The following CCDC88C variants were observed in gnomAD, a reference collection of about 807,000 sequenced individuals.
The protein encoded by CCDC88C is protein Daple.
A neutral mutation model predicts 198.8 loss-of-function variants in CCDC88C; 131 were observed. The observed-to-expected ratio is 0.66, with a 90% CI of 0.57 to 0.76. The LOEUF (loss-of-function observed/expected upper bound fraction) is 0.76, where lower values mean the gene tolerates loss of function less well. Among genes scored for constraint, CCDC88C ranks in the 30% least tolerant of loss-of-function variants. The pLI, the probability that CCDC88C is intolerant of heterozygous loss-of-function variation, is 0.00. For missense variants in CCDC88C, 2,553 were observed against 2,631.6 expected (o/e 0.97, Z 0.65); for synonymous variants, 1,166 against 1,114.7 (o/e 1.05, Z -0.92).
At chr14:91,305,981 G>A (rs926189678) in intron 18 of CCDC88C, 55 bp from the exon 19 acceptor site, 3 of 1,572,998 alleles carry the variant, frequency 1.9e-6, no homozygotes, top group Non-Finnish European at 1.7e-6. Flanking sequence ...AATGCTAACT[G>A]GCCACAGGTA....
intron 10 of CCDC88C, 80 bp from the exon 11 acceptor site, chr14:91,326,136 T>G (rs2139832336): frequency 8.2e-6 from 11 of 1,341,994 alleles, no homozygotes; most frequent in Non-Finnish European, 1.1e-5. Context: ...ACCAAAACTC[T>G]TTCAGGCATC....
rs777973415 is a variant in CCDC88C at position 91,281,505 on chromosome 14, G to C, written c.4651C>G (p.Leu1551Val). 2.0e-5 allele frequency: 32 copies of C among 1,613,800 alleles called. 1 individual carries two copies. The South Asian group carries it at 3.3e-4, about 17-fold the overall frequency. ...RTKGYNSDDNLCEPSLEFEVP... is the reference protein window; with the variant it reads ...RTKGYNSDDNVCEPSLEFEVP... ...TCAAACTCCAGGGATGGCTCACAGA[G>C]GTTGTCATCTGAGTTATAGCCTAAG... The change falls in exon 27 of 30, where the codon CTC becomes GTC. Residue 1551 changes from leucine to valine, a missense_variant. Leu to Val is a conservative substitution (Grantham distance 32). Coordinates refer to ENST00000389857, the MANE Select transcript of CCDC88C (RefSeq NM_001080414.4).
chr14:91,303,535 C>T (rs1596046025), intron 20 of CCDC88C, among the ~76,000 whole-genome samples, 166 bp downstream of exon 20: 1 of 146,364 alleles, frequency 6.8e-6, no homozygotes, highest in South Asian at 2.2e-4. Context: ...CTCTATCACT[C>T]TCCCCCAGGT....
intron 28 of CCDC88C, 78 bp downstream of exon 28, chr14:91,279,160 A>C (rs1057053775): frequency 8.0e-7 from 1 of 1,248,730 alleles, no homozygotes; most frequent in African/African-American, 1.5e-5. Context: ...TGGCCCTCCC[A>C]AAGTGCTGAT....
At chr14:91,322,606 GTC>G (rs1892401737) in intron 12 of CCDC88C, among the ~76,000 whole-genome samples, 1 of 152,122 alleles carries the variant, frequency 6.6e-6, no homozygotes, top group Non-Finnish European at 1.5e-5. Context: ...TCTGGACAGT[GTC>G]TCTGCAGAAT....
rs769952173 is a variant in CCDC88C, at chr14:91,381,181, G to A, written c.271-21470C>T. Among the ~76,000 whole-genome samples the A allele has an allele frequency of 6.6e-6, 1 of 152,112 alleles. No individual in the cohort carries two copies. Among genetic ancestry groups the A allele is most frequent in the Non-Finnish European group, 1.5e-5 (1 of 68,022 alleles). ...CACCTGTGGGTGGGCAGAACTGAAA[G>A]GTGTGGGGCTTTCCCGGTACGGTCT... On this transcript the variant is annotated intron_variant, in intron 3 of 29. Transcript: ENST00000389857. This position sits in a 1 kb window ranked among gnomAD's most constrained non-coding sequence, Gnocchi z 4.2.
At chr14:91,366,370 C>T (rs1875413188) in intron 3 of CCDC88C, among the ~76,000 whole-genome samples, 1 of 152,170 alleles carries the variant, frequency 6.6e-6, no homozygotes, top group Non-Finnish European at 1.5e-5. Context: ...CCTGTAATCC[C>T]AGCTACTTGG....
At chr14:91,320,399 G>A (rs1027177399) in intron 13 of CCDC88C, among the ~76,000 whole-genome samples, 1 of 152,216 alleles carries the variant, frequency 6.6e-6, no homozygotes, top group African/African-American at 2.4e-5. Flanking sequence ...GTGCTGGAGG[G>A]GCACCCGCAG....
At chr14:91,399,058 G>A (rs1886017940) in intron 3 of CCDC88C, among the ~76,000 whole-genome samples, 1 of 152,158 alleles carries the variant, frequency 6.6e-6, no homozygotes, top group Non-Finnish European at 1.5e-5. Context: ...TCCCACTTGG[G>A]GGACTCCTCA....
chr14:91,335,143 C>G (rs1892995800), intron 10 of CCDC88C, among the ~76,000 whole-genome samples: 2 of 152,166 alleles, frequency 1.3e-5, no homozygotes. Flanking sequence ...CATGAAGACA[C>G]AAACCAAACT....
At position 91,325,847 on chromosome 14, in the gene CCDC88C, G is replaced by T. The variant is rs1002497920; in HGVS notation, c.1197+63C>A. The T allele has an allele frequency of 6.7e-7, 1 of 1,491,660 alleles. No homozygotes were observed. Among genetic ancestry groups the T allele is most frequent in the Admixed American group, 2.0e-5 (1 of 49,392 alleles). 92.4% of individuals were successfully genotyped at this position (1,491,660 alleles called of 1,614,324 possible). A position where few individuals can be genotyped will look rare whatever the true frequency, so the allele number is the denominator to read the frequency against. On this transcript the variant is annotated intron_variant, in intron 11 of 29. Coordinates refer to ENST00000389857, the MANE Select transcript of CCDC88C (RefSeq NM_001080414.4). This position sits in a 1 kb window ranked among gnomAD's most constrained non-coding sequence, Gnocchi z 4.1. ...GCCTCCCAAAGTGCTGGGATTACAG[G>T]CATGAGCCACTGTGCCCGAGCCCAA...
chr14:91,308,567 C>T (rs1891660179), intron 16 of CCDC88C, 75 bp from the exon 17 acceptor site: 3 of 1,423,312 alleles, frequency 2.1e-6, no homozygotes, highest in Non-Finnish European at 2.9e-6. Context: ...TCGCTGCCAA[C>T]ACATCACTCC....
chr14:91,318,678 C>T (rs149557416), intron 13 of CCDC88C, among the ~76,000 whole-genome samples: 198 of 152,182 alleles, frequency 1.3e-3, no homozygotes, highest in African/African-American at 4.6e-3. Flanking sequence ...CAGTGGCTCA[C>T]ATTGGGACGC....
At chr14:91,372,850 C>A (rs530152362) in intron 3 of CCDC88C, among the ~76,000 whole-genome samples, 1 of 152,292 alleles carries the variant, frequency 6.6e-6, no homozygotes, top group East Asian at 1.9e-4. Context: ...CATCACTTAA[C>A]CTAGCGACAA....
chr14:91,357,513 G>A (rs551536014), intron 4 of CCDC88C, among the ~76,000 whole-genome samples: 11 of 152,332 alleles, frequency 7.2e-5, no homozygotes, highest in South Asian at 4.1e-4. Context: ...CAGGGTGGGC[G>A]TGCTAAGGAG....
At chr14:91,345,188 A>T (rs202154635) in intron 4 of CCDC88C, among the ~76,000 whole-genome samples, 2,932 of 63,918 alleles carry the variant, frequency 0.046, 174 homozygotes, top group African/African-American at 0.12. Flanking sequence ...ATATATATAT[A>T]TATTTTTTTT....
At chr14:91,300,630 C>T (rs976376323) in intron 20 of CCDC88C, among the ~76,000 whole-genome samples, 1 of 152,184 alleles carries the variant, frequency 6.6e-6, no homozygotes, top group African/African-American at 2.4e-5. Context: ...GACTAGTTGT[C>T]ACATACACAC....
At chr14:91,348,941 C>T (rs969563832) in intron 4 of CCDC88C, among the ~76,000 whole-genome samples, 6 of 152,100 alleles carry the variant, frequency 3.9e-5, no homozygotes, top group East Asian at 1.9e-4. Context: ...TTTTAAAAAG[C>T]GCCCAGGGCG....
At chr14:91,388,935 T>C (rs1047313289) in intron 3 of CCDC88C, among the ~76,000 whole-genome samples, 2 of 152,146 alleles carry the variant, frequency 1.3e-5, no homozygotes, top group Non-Finnish European at 2.9e-5. Context: ...GGCAGGATGG[T>C]GCGTGAGTCT....
Sources: allele counts gnomAD v4.1 joint callset (sites outside exome capture counted in the v4.1 genomes callset), GRCh38; gene constraint gnomAD v4.1.1; non-coding constraint Gnocchi (gnomAD v3.1); transcripts MANE v1.5; gene names NCBI Gene and HGNC (gene_info 2026-07-23, HGNC 2026-07-21).